Variants in LRCH1 observed in about 807,000 individuals in gnomAD.
LRCH1 encodes leucine rich repeats and calponin homology domain containing 1.
In LRCH1, 23 loss-of-function variants were observed where a neutral mutation model predicts 94.9. The ratio of observed to expected loss-of-function variants is 0.24; its 90% confidence interval spans 0.17 to 0.34. The LOEUF is 0.34. LRCH1 is among the 10% of genes least tolerant of loss of function. LRCH1 has a pLI of 1.00. For missense variants in LRCH1, 790 were observed against 945.9 expected, an observed-to-expected ratio of 0.84 and a Z score of 2.16; for synonymous variants, 364 against 354.9, an observed-to-expected ratio of 1.03 and a Z score of -0.29.
At chr13:46,693,579 C>T (rs961057867) in intron 8 of LRCH1, among the ~76,000 whole-genome samples, 11 of 152,174 alleles carry the variant, frequency 7.2e-5, no homozygotes, top group African/African-American at 2.4e-4. Flanking sequence ...CCTTGATTCC[C>T]TCACCTGTAC....
At chr13:46,680,479 G>A (rs1339456573) in intron 3 of LRCH1, among the ~76,000 whole-genome samples, 2 of 152,202 alleles carry the variant, frequency 1.3e-5, no homozygotes, top group Non-Finnish European at 2.9e-5. Flanking sequence ...TTAGATCAGA[G>A]TGGGAGAGGT....
intron 1 of LRCH1, among the ~76,000 whole-genome samples, chr13:46,590,755 G>A (rs1026673881): frequency 1.3e-5 from 2 of 152,182 alleles, no homozygotes; most frequent in African/African-American, 4.8e-5. Context: ...AATTGTCTAT[G>A]CTTGGCAGGC....
At chr13:46,645,247 T>G (rs918577040) in intron 1 of LRCH1, among the ~76,000 whole-genome samples, 3 of 152,232 alleles carry the variant, frequency 2.0e-5, no homozygotes, top group Non-Finnish European at 4.4e-5. Flanking sequence ...AATTGAATAT[T>G]AGCTGAATTT....
chr13:46,702,520 C>T (rs1428383044), intron 11 of LRCH1, among the ~76,000 whole-genome samples: 1 of 151,822 alleles, frequency 6.6e-6, no homozygotes, highest in Non-Finnish European at 1.5e-5. Flanking sequence ...AATAATAAAA[C>T]AAATAAATAA....
At chr13:46,571,067 C>T (rs1033279644) in intron 1 of LRCH1, among the ~76,000 whole-genome samples, 2 of 152,164 alleles carry the variant, frequency 1.3e-5, no homozygotes, top group African/African-American at 4.8e-5. Context: ...GAAATTCACC[C>T]TAGAGTTTAC....
At chr13:46,745,640 A>G (rs761291594), downstream of LRCH1, among the ~76,000 whole-genome samples, 88 of 152,332 alleles carry the variant, frequency 5.8e-4, no homozygotes, top group Non-Finnish European at 9.6e-4. Context: ...AATGGTCTCC[A>G]TTTCACATTG....
chr13:46,589,317 C>CT (rs1187891953), intron 1 of LRCH1, among the ~76,000 whole-genome samples: 1 of 152,186 alleles, frequency 6.6e-6, no homozygotes. Context: ...GCATGAGCCA[C>CT]TGTGCCTGGC....
chr13:46,731,801 A>ATGCCCCCACC (rs1286733495), intron 18 of LRCH1, among the ~76,000 whole-genome samples: 3 of 152,088 alleles, frequency 2.0e-5, no homozygotes, highest in African/African-American at 7.2e-5. Flanking sequence ...CTAGAAAGCC[A>ATGCCCCCACC]TGCCCCCACC....
chr13:46,657,675 G>A lies in LRCH1; in HGVS notation c.452+7330G>A, dbSNP rs574423367. On this transcript the variant is annotated intron_variant, in intron 2 of 19. Transcript: ENST00000389797. ...CTAGTAGCTGGGACTACAGACGTGC[G>A]CCACCATGCCCAGCTAATTTTTTTT... Among the ~76,000 whole-genome samples, 32 of 119,166 alleles carry A rather than the reference G, an allele frequency of 2.7e-4. 1 individual carries two copies. Among genetic ancestry groups the A allele is most frequent in the African/African-American group, 8.7e-4 (29 of 33,184 alleles). The allele number at this position is 119,166 out of a possible 152,430, so 78.2% of individuals were successfully genotyped here. A position where few individuals can be genotyped will look rare whatever the true frequency, so the allele number is the denominator to read the frequency against.
At chr13:46,731,475 C>T (rs1465521649) in intron 18 of LRCH1, among the ~76,000 whole-genome samples, 1 of 152,158 alleles carries the variant, frequency 6.6e-6, no homozygotes, top group African/African-American at 2.4e-5. Context: ...AAGTAATCTG[C>T]CCGCCTCAGC....
chr13:46,706,017 A>G (rs953655958), intron 13 of LRCH1, among the ~76,000 whole-genome samples: 3 of 152,218 alleles, frequency 2.0e-5, no homozygotes, highest in African/African-American at 4.8e-5. Flanking sequence ...AAGATTGTGT[A>G]CAAACACCTT....
At chr13:46,700,759 G>A (rs1871421760) in intron 10 of LRCH1, among the ~76,000 whole-genome samples, 1 of 152,174 alleles carries the variant, frequency 6.6e-6, no homozygotes, top group African/African-American at 2.4e-5. Context: ...CCCAGAAGTA[G>A]TACAGACTCA....
intron 19 of LRCH1, among the ~76,000 whole-genome samples, chr13:46,734,958 TTCTC>T (rs1306390993): frequency 1.3e-5 from 2 of 152,308 alleles, no homozygotes; most frequent in East Asian, 3.9e-4. Context: ...CCCTTTCCTT[TTCTC>T]TCTCCATCCT....
chr13:46,678,472 T>C (rs75925270), intron 3 of LRCH1, among the ~76,000 whole-genome samples: 3,053 of 152,192 alleles, frequency 0.02, 111 homozygotes, highest in African/African-American at 0.069. Flanking sequence ...TTGGGCGTTT[T>C]CCCCCCATTA....
intron 1 of LRCH1, among the ~76,000 whole-genome samples, chr13:46,603,627 A>C (rs2050655586): frequency 6.6e-6 from 1 of 152,202 alleles, no homozygotes; most frequent in South Asian, 2.1e-4. Flanking sequence ...GCTGTTTAAA[A>C]ACAATTTTAA....
intron 1 of LRCH1, among the ~76,000 whole-genome samples, chr13:46,618,755 A>AT (rs529268683): frequency 1.9e-4 from 28 of 150,444 alleles, no homozygotes; most frequent in African/African-American, 1.5e-4. Context: ...ACTTGTAGAG[A>AT]TTTTTTTTTT....
At chr13:46,750,467 C>A in intron 18 of LRCH1, 1 of 1,086,474 alleles carries the variant, frequency 9.2e-7, no homozygotes. Context: ...TTGATGTCAT[C>A]AACGATGTAG....
chr13:46,715,105 T>C (rs11619988), intron 15 of LRCH1, among the ~76,000 whole-genome samples: 30,518 of 152,206 alleles, frequency 0.2, 3,295 homozygotes, highest in Non-Finnish European at 0.25. Flanking sequence ...AAATAATAGA[T>C]ATATTTACGC....
At chr13:46,676,247 A>C (rs1206523229) in intron 3 of LRCH1, among the ~76,000 whole-genome samples, 3 of 148,208 alleles carry the variant, frequency 2.0e-5, no homozygotes, top group Non-Finnish European at 4.5e-5. Flanking sequence ...GGTGACAGAG[A>C]CTCCGTCTCG....
Sources: gnomAD v4.1 joint callset for allele counts (sites outside exome capture counted in the v4.1 genomes callset) on GRCh38, gnomAD v4.1.1 for gene constraint, MANE v1.5 for transcripts, NCBI Gene and HGNC (gene_info 2026-07-23, HGNC 2026-07-21) for gene names.